The following PIP5K1A variants were observed in gnomAD, a reference collection of about 807,000 sequenced individuals.
PIP5K1A encodes phosphatidylinositol-4-phosphate 5-kinase type 1 alpha.
In PIP5K1A, 46 loss-of-function variants were observed where a neutral mutation model predicts 72.9. That is an observed-to-expected ratio of 0.63 (90% CI 0.50 to 0.81). The LOEUF is 0.81. Ranked by LOEUF, PIP5K1A falls within the 30% of genes least tolerant of loss-of-function variation. The pLI, the probability that PIP5K1A is intolerant of heterozygous loss-of-function variation, is 0.00. For missense variants in PIP5K1A, 458 were observed against 706.1 expected (o/e 0.65, Z 3.98); for synonymous variants, 228 against 255.1 (o/e 0.89, Z 1.01).
chr1:151,237,294 G>C (rs1428652952), intron 9 of PIP5K1A, among the ~76,000 whole-genome samples: 1 of 152,198 alleles, frequency 6.6e-6, no homozygotes, highest in East Asian at 1.9e-4. Flanking sequence ...TAGTATATGT[G>C]GGAAGGAGAG....
At chr1:151,217,460 A>T (rs1199475020) in intron 1 of PIP5K1A, among the ~76,000 whole-genome samples, 1 of 152,254 alleles carries the variant, frequency 6.6e-6, no homozygotes, top group Non-Finnish European at 1.5e-5. Flanking sequence ...AGAGAGTAGT[A>T]CAGAAGGAAA....
At chr1:151,241,267 C>T (rs915131683) in intron 12 of PIP5K1A, among the ~76,000 whole-genome samples, 1 of 151,984 alleles carries the variant, frequency 6.6e-6, no homozygotes, top group Non-Finnish European at 1.5e-5. Flanking sequence ...TTTAGGAGGC[C>T]GAGGAGGGCA....
Position 151,247,851 on chromosome 1 carries a change from C to T in PIP5K1A, c.1687-12C>T. The stretch of plus-strand genomic sequence containing the variant: ...TACTCCACATCCTTAACTTTACACT[C>T]TCCCTTTTCAGTAAGCGCAAAGCCT... On this transcript the variant is annotated splice_polypyrimidine_tract_variant and intron_variant, in intron 15 of 15. Coordinates refer to ENST00000368888, the MANE Select transcript of PIP5K1A (RefSeq NM_001135638.2). 3 of 1,606,774 alleles carry T rather than the reference C, an allele frequency of 1.9e-6. No homozygotes were observed. The highest frequency in any genetic ancestry group is 2.2e-5 in the East Asian group (1 of 44,768).
chr1:151,244,312 A>T (rs1223838044), intron 14 of PIP5K1A, among the ~76,000 whole-genome samples: 1 of 152,218 alleles, frequency 6.6e-6, no homozygotes, highest in African/African-American at 2.4e-5. Context: ...CTATTTACAT[A>T]GCATTTACAT....
chr1:151,211,063 T>G lies in PIP5K1A; in HGVS notation c.85+11982T>G, dbSNP rs144420004. 7.3e-3 allele frequency among the ~76,000 whole-genome samples: 1,109 copies of G among 152,316 alleles called. 14 individuals carry two copies. Among genetic ancestry groups the G allele is most frequent in the African/African-American group, 0.025 (1,037 of 41,574 alleles). ...ACATTAGAGTCAGTCACACACTGCT[T>G]CTTGGTTTCTCATCAGTAGATGATG... On this transcript the variant is annotated intron_variant, in intron 1 of 15. Coordinates refer to ENST00000368888, the MANE Select transcript of PIP5K1A (RefSeq NM_001135638.2).
Position 151,239,152 on chromosome 1 carries a change from T to G in PIP5K1A, c.1252T>G (p.Ser418Ala). The change falls in exon 11 of 16, where the codon TCT (serine) becomes GCT (alanine). Residue 418 changes from serine to alanine, a missense_variant. By Grantham distance (99) the Ser-to-Ala change is moderately conservative. Coordinates refer to ENST00000368888, the MANE Select transcript of PIP5K1A (RefSeq NM_001135638.2). ...SYRFVKKLEH[S>A]WKALVHDGDT... Reference sequence around the variant, plus strand: ...CAGGTTTGTTAAGAAGTTGGAGCACTCTTGGAAAGCCCTGGTACATGACGG... The same window carrying G: ...CAGGTTTGTTAAGAAGTTGGAGCACGCTTGGAAAGCCCTGGTACATGACGG... The G allele has an allele frequency of 6.2e-7, 1 of 1,611,650 alleles. No homozygotes were observed. The highest frequency in any genetic ancestry group is 8.5e-7 in the Non-Finnish European group (1 of 1,177,778).
At chr1:151,235,813 C>A (rs1690761159) in intron 8 of PIP5K1A, among the ~76,000 whole-genome samples, 1 of 152,108 alleles carries the variant, frequency 6.6e-6, no homozygotes, top group Admixed American at 6.6e-5. Flanking sequence ...TGAGAGAAAG[C>A]TAAGGGTATG....
At chr1:151,205,072 G>T (rs1685746229) in intron 1 of PIP5K1A, among the ~76,000 whole-genome samples, 1 of 152,192 alleles carries the variant, frequency 6.6e-6, no homozygotes, top group East Asian at 1.9e-4. Context: ...ACTATAGCCT[G>T]TGAAGTGAAC....
At position 151,222,047 on chromosome 1, in the gene PIP5K1A, A is replaced by C. The variant is rs188251238; in HGVS notation, c.86-2198A>C. 5.3e-5 allele frequency among the ~76,000 whole-genome samples: 8 copies of C among 152,322 alleles called. No homozygotes were observed. In the East Asian group the frequency reaches 1.2e-3, roughly 22 times the overall value. On this transcript the variant is annotated intron_variant, in intron 1 of 15. Coordinates refer to ENST00000368888, the MANE Select transcript of PIP5K1A (RefSeq NM_001135638.2). ...GGCTGCAGTGAGCAGAGATTGCACC[A>C]CTGCACTCCAGCCAGGGTGACATTG...
chr1:151,214,351 TG>T (rs1299002493), intron 1 of PIP5K1A, among the ~76,000 whole-genome samples: 2 of 152,196 alleles, frequency 1.3e-5, no homozygotes, highest in Middle Eastern at 3.4e-3. Context: ...CTTTTTGCTT[TG>T]TTTTTTTCTG....
chr1:151,197,350 C>T (rs1684653281), upstream of PIP5K1A, among the ~76,000 whole-genome samples: 1 of 152,102 alleles, frequency 6.6e-6, no homozygotes, highest in Non-Finnish European at 1.5e-5. Context: ...GCGATCTCCG[C>T]TCACTGCAAG....
At chr1:151,216,395 C>T (rs1006961201) in intron 1 of PIP5K1A, among the ~76,000 whole-genome samples, 1 of 151,406 alleles carries the variant, frequency 6.6e-6, no homozygotes, top group Non-Finnish European at 1.5e-5. Context: ...AGTGGTAGTT[C>T]ATGGTCTTCT....
chr1:151,207,618 G>A (rs1686120240), intron 1 of PIP5K1A, among the ~76,000 whole-genome samples: 1 of 146,324 alleles, frequency 6.8e-6, no homozygotes, highest in African/African-American at 2.5e-5. Flanking sequence ...TGTGACCTCT[G>A]TCTTCCAGGT....
intron 1 of PIP5K1A, chr1:151,199,298 A>T (rs1469272309): frequency 2.2e-6 from 2 of 913,568 alleles, no homozygotes; most frequent in African/African-American, 3.3e-5. Context: ...GTCTTTGAGG[A>T]GGACGGATGG....
chr1:151,242,216 C>A lies in PIP5K1A; in HGVS notation c.1457C>A (p.Ser486Ter). ...SGNSCITYQP[S>*]VSGEHKAQVT... ...AACTCCTGCATTACTTACCAGCCAT[C>A]GGTCTCTGGGGAACACAAGGCACAA... The change falls in exon 13 of 16, where the codon TCG (serine) becomes TAG (stop). Residue 486 changes from serine (S) to a stop codon, truncating the protein, a stop_gained. Transcript: ENST00000368888. LOFTEE classifies it high-confidence loss of function. 1 of 1,614,064 alleles carries A rather than the reference C, an allele frequency of 6.2e-7. No homozygotes were observed. Among genetic ancestry groups the A allele is most frequent in the Non-Finnish European group, 8.5e-7 (1 of 1,179,956 alleles).
chr1:151,201,576 G>C (rs956489353), intron 1 of PIP5K1A, among the ~76,000 whole-genome samples: 1 of 151,868 alleles, frequency 6.6e-6, no homozygotes, highest in South Asian at 2.1e-4. Flanking sequence ...GACTAGTCTT[G>C]AACTCCTGAC....
intron 12 of PIP5K1A, among the ~76,000 whole-genome samples, chr1:151,241,656 TG>T (rs1691725635): frequency 6.6e-6 from 1 of 151,820 alleles, no homozygotes; most frequent in South Asian, 2.1e-4. Flanking sequence ...TAAAATTAGC[TG>T]GGTGTAGTGG....
At chr1:151,240,156 C>T in intron 12 of PIP5K1A, 117 bp downstream of exon 12, 1 of 732,180 alleles carries the variant, frequency 1.4e-6, no homozygotes, top group East Asian at 2.6e-5. Context: ...CCTCTCCTTC[C>T]ACCTACATCC....
intron 12 of PIP5K1A, among the ~76,000 whole-genome samples, chr1:151,241,510 AAG>A (rs1691701793): frequency 6.6e-6 from 1 of 151,856 alleles, no homozygotes; most frequent in South Asian, 2.1e-4. Flanking sequence ...GTCAAAGAAA[AAG>A]AAAAAGGGGG....
Sources: allele counts gnomAD v4.1 joint callset (sites outside exome capture counted in the v4.1 genomes callset), GRCh38; gene constraint gnomAD v4.1.1; transcripts MANE v1.5; gene names NCBI Gene and HGNC (gene_info 2026-07-23, HGNC 2026-07-21).